ADGRL3: variants seen among roughly 807,000 people sequenced by gnomAD.
The protein encoded by ADGRL3 is calcium-independent alpha-latrotoxin receptor 3.
In ADGRL3, 62 loss-of-function variants were observed where a neutral mutation model predicts 153.5. The observed-to-expected ratio is 0.40, with a 90% CI of 0.33 to 0.50. The LOEUF (loss-of-function observed/expected upper bound fraction) is 0.50, where lower values mean the gene tolerates loss of function less well. Ranked by LOEUF, ADGRL3 falls within the 20% of genes least tolerant of loss-of-function variation. The pLI is 0.47. For synonymous variants in ADGRL3, 710 were observed against 672.5 expected (o/e 1.06, Z -0.86); for missense variants, 1,641 against 1,859.4 (o/e 0.88, Z 2.16).
intron 5 of ADGRL3, among the ~76,000 whole-genome samples, chr4:61,611,780 G>A (rs1332232109): frequency 6.6e-6 from 1 of 152,036 alleles, no homozygotes; most frequent in East Asian, 1.9e-4. Flanking sequence ...AATGTATTGG[G>A]TGTGGTGGTG....
intron 2 of ADGRL3, among the ~76,000 whole-genome samples, chr4:61,463,133 G>T (rs1189289943): frequency 6.6e-6 from 1 of 152,142 alleles, no homozygotes; most frequent in Non-Finnish European, 1.5e-5. Flanking sequence ...AGGGGTGTGT[G>T]TAATGACCTG....
At chr4:61,808,168 A>G (rs781620343) in intron 8 of ADGRL3, among the ~76,000 whole-genome samples, 7 of 152,156 alleles carry the variant, frequency 4.6e-5, no homozygotes, top group Non-Finnish European at 8.8e-5. Flanking sequence ...ATCAAGGTAC[A>G]TATCAGACTT....
chr4:61,875,763 A>T (rs2098471352), intron 9 of ADGRL3, among the ~76,000 whole-genome samples: 1 of 152,172 alleles, frequency 6.6e-6, no homozygotes, highest in Non-Finnish European at 1.5e-5. Flanking sequence ...ATACTATTTT[A>T]TCTATTTGAT....
At chr4:61,501,510 C>T (rs1410771413) in intron 3 of ADGRL3, among the ~76,000 whole-genome samples, 1 of 152,168 alleles carries the variant, frequency 6.6e-6, no homozygotes, top group East Asian at 1.9e-4. Flanking sequence ...GGAAAGAAAT[C>T]TTTTTCTACT....
At chr4:61,895,390 C>G (rs1050294360) in intron 10 of ADGRL3, among the ~76,000 whole-genome samples, 13 of 151,852 alleles carry the variant, frequency 8.6e-5, no homozygotes, top group African/African-American at 2.4e-4. Context: ...CACTTGAACC[C>G]GGGAGGCAGA....
intron 1 of ADGRL3, among the ~76,000 whole-genome samples, chr4:61,353,635 C>A (rs2151370212): frequency 8.8e-6 from 1 of 113,410 alleles, no homozygotes; most frequent in Non-Finnish European, 1.7e-5. Context: ...GAAACGAGGT[C>A]TCACTATATT....
chr4:61,844,983 A>T (rs1030531708), intron 9 of ADGRL3, among the ~76,000 whole-genome samples: 4 of 152,142 alleles, frequency 2.6e-5, no homozygotes, highest in African/African-American at 9.7e-5. Context: ...ACTCAATATT[A>T]AGAAAGAAAA....
At chr4:61,762,818 A>T (rs904067419) in intron 8 of ADGRL3, among the ~76,000 whole-genome samples, 1 of 152,144 alleles carries the variant, frequency 6.6e-6, no homozygotes, top group Admixed American at 6.5e-5. Context: ...GAAAACTATC[A>T]TTCTGGTTTT....
chr4:61,403,849 G>T (rs2096960464), intron 2 of ADGRL3, among the ~76,000 whole-genome samples: 1 of 152,004 alleles, frequency 6.6e-6, no homozygotes, highest in Non-Finnish European at 1.5e-5. Flanking sequence ...GAGAGCTGGA[G>T]AATTGGTTGG....
intron 2 of ADGRL3, among the ~76,000 whole-genome samples, chr4:61,421,606 A>G (rs2152339089): frequency 6.6e-6 from 1 of 152,300 alleles, no homozygotes; most frequent in East Asian, 1.9e-4. Context: ...GCCACTTACA[A>G]GTAGGAAGAA....
intron 6 of ADGRL3, among the ~76,000 whole-genome samples, chr4:61,680,293 C>T (rs527768812): frequency 3.5e-4 from 46 of 132,650 alleles, no homozygotes; most frequent in Non-Finnish European, 6.3e-4. Flanking sequence ...ATTTCCATTT[C>T]GAATTTATGA....
chr4:61,280,874 C>CA (rs989728598), intron 1 of ADGRL3, among the ~76,000 whole-genome samples: 15 of 152,086 alleles, frequency 9.9e-5, no homozygotes, highest in Admixed American at 9.8e-4. Context: ...AATTTACACT[C>CA]ACTGAACTGG....
Position 61,577,220 on chromosome 4 carries a change from T to TG in ADGRL3, c.260-9998dup, listed in dbSNP as rs147457611. 2.3e-3 allele frequency among the ~76,000 whole-genome samples: 257 copies of TG among 112,518 alleles called. 2 individuals are homozygous for TG. The Middle Eastern group carries it at 0.051, about 22-fold the overall frequency. 73.8% of individuals were successfully genotyped at this position (112,518 alleles called of 152,430 possible). ...TGTGTGCATGTGTGTGTTAGGGAAA[T>TG]GGGGGGGGGATGAGGGAGGGAAGGG... On this transcript the variant is annotated intron_variant, in intron 4 of 26. Transcript: ENST00000683033.
intron 12 of ADGRL3, among the ~76,000 whole-genome samples, chr4:61,911,388 CT>C (rs896346031): frequency 1.3e-5 from 2 of 151,992 alleles, no homozygotes; most frequent in African/African-American, 4.8e-5. Flanking sequence ...TAATGCTTTT[CT>C]TTTGTTACCC....
intron 2 of ADGRL3, among the ~76,000 whole-genome samples, chr4:61,484,083 C>T (rs1306736951): frequency 3.3e-5 from 5 of 151,802 alleles, no homozygotes; most frequent in Admixed American, 2.0e-4. Context: ...GAAATTCTCC[C>T]CTCATCCCCG....
chr4:61,543,815 T>C (rs554871433), intron 4 of ADGRL3, among the ~76,000 whole-genome samples: 1 of 152,366 alleles, frequency 6.6e-6, no homozygotes, highest in South Asian at 2.1e-4. Flanking sequence ...ATATTTAAAC[T>C]GCATCTGTAT....
intron 1 of ADGRL3, among the ~76,000 whole-genome samples, chr4:61,205,738 A>G (rs911506421): frequency 6.6e-6 from 1 of 152,170 alleles, no homozygotes; most frequent in African/African-American, 2.4e-5. Flanking sequence ...TTTGTCGGGT[A>G]GGGTAGGGTG....
At chr4:61,342,958 A>G (rs1261035610) in intron 1 of ADGRL3, among the ~76,000 whole-genome samples, 2 of 152,172 alleles carry the variant, frequency 1.3e-5, no homozygotes, top group Admixed American at 6.5e-5. Context: ...ATGGTGGAAG[A>G]CAAAGGAAGA....
At position 61,473,209 on chromosome 4, in the gene ADGRL3, TTGTGTGTGTGTGTG is replaced by T. The variant is rs35633555; in HGVS notation, c.-173-23891_-173-23878del. Reference sequence around the variant, plus strand: ...GAAAAAAACACCTATTTGTATGTGTTTGTGTGTGTGTGTGTGTGTGTGTGTGTGTGTGTGGTCTT... The same window carrying T: ...GAAAAAAACACCTATTTGTATGTGTTTGTGTGTGTGTGTGTGTGTGGTCTT... On this transcript the variant is annotated intron_variant, in intron 2 of 26. Coordinates refer to ENST00000683033, the MANE Select transcript of ADGRL3 (RefSeq NM_001387552.1). Among the ~76,000 whole-genome samples the T allele has an allele frequency of 6.6e-3, 991 of 149,214 alleles. 2 individuals are homozygous for T. Among genetic ancestry groups the T allele is most frequent in the Non-Finnish European group, 8.8e-3 (587 of 66,974 alleles).
Sources: gnomAD v4.1 joint callset for allele counts (sites outside exome capture counted in the v4.1 genomes callset) on GRCh38, gnomAD v4.1.1 for gene constraint, MANE v1.5 for transcripts, NCBI Gene and HGNC (gene_info 2026-07-23, HGNC 2026-07-21) for gene names.